Variants in PACRG observed in about 807,000 individuals in gnomAD.
PACRG encodes parkin coregulated.
Under a neutral mutation model 29.7 loss-of-function variants are expected in PACRG, and 29 were observed. The observed-to-expected ratio is 0.98, with a 90% confidence interval of 0.73 to 1.33. The LOEUF is 1.33. Ranked by LOEUF, PACRG falls within the 40% of genes most tolerant of loss-of-function variation. The probability of loss-of-function intolerance (pLI) is 0.00; values close to 1 mark genes in which losing one functional copy is unlikely to be tolerated. For synonymous variants in PACRG, 116 were observed against 118.7 expected (o/e 0.98, Z 0.15); for missense variants, 279 against 316.2 (o/e 0.88, Z 0.89).
chr6:162,770,485 T>C (rs1783133992), intron 1 of PACRG, among the ~76,000 whole-genome samples: 2 of 152,146 alleles, frequency 1.3e-5, no homozygotes, highest in African/African-American at 2.4e-5. Flanking sequence ...GCATATGAGC[T>C]TTGTTCAATT....
At chr6:163,166,339 T>C in intron 4 of PACRG, 3 of 397,014 alleles carry the variant, frequency 7.6e-6, no homozygotes, top group South Asian at 5.6e-5. Flanking sequence ...AATTATTTTG[T>C]TAATTGGTAT....
At chr6:163,090,155 A>G (rs1228204245) in intron 4 of PACRG, 2 of 152,222 alleles carry the variant, frequency 1.3e-5, no homozygotes, top group Non-Finnish European at 2.9e-5. Context: ...CTTTTACAAC[A>G]TGATCTGCTC....
chr6:162,755,458 C>A (rs1781838189), intron 1 of PACRG, among the ~76,000 whole-genome samples: 1 of 151,964 alleles, frequency 6.6e-6, no homozygotes, highest in South Asian at 2.1e-4. Flanking sequence ...TTTTTTGAGA[C>A]AGAGTCTTGC....
At chr6:162,966,723 A>C (rs910757159) in intron 2 of PACRG, among the ~76,000 whole-genome samples, 1 of 148,834 alleles carries the variant, frequency 6.7e-6, no homozygotes, top group East Asian at 2.0e-4. Context: ...TGATCCACCC[A>C]CCTCCCCCTC....
At chr6:163,138,057 G>T (rs997974697) in intron 4 of PACRG, among the ~76,000 whole-genome samples, 1 of 152,220 alleles carries the variant, frequency 6.6e-6, no homozygotes, top group Non-Finnish European at 1.5e-5. Context: ...AAGAAGGAGT[G>T]GGGGAGCCTG....
chr6:162,799,043 A>G (rs557708390), intron 1 of PACRG, among the ~76,000 whole-genome samples: 1 of 152,296 alleles, frequency 6.6e-6, no homozygotes, highest in Non-Finnish European at 1.5e-5. Context: ...GTGAATTGCG[A>G]GTGTCTGGCT....
intron 2 of PACRG, among the ~76,000 whole-genome samples, chr6:162,990,008 G>A (rs1214248650): frequency 2.0e-5 from 3 of 150,184 alleles, no homozygotes; most frequent in Non-Finnish European, 4.5e-5. Context: ...TTGTTCTTGC[G>A]ATAGTTTACT....
At chr6:162,809,567 C>A (rs1455208167) in intron 1 of PACRG, among the ~76,000 whole-genome samples, 3 of 152,104 alleles carry the variant, frequency 2.0e-5, no homozygotes, top group African/African-American at 7.2e-5. Flanking sequence ...TGTGTCTATT[C>A]AGTCAAAAGT....
chr6:163,057,047 T>G (rs1047788235), intron 2 of PACRG, among the ~76,000 whole-genome samples: 1 of 152,164 alleles, frequency 6.6e-6, no homozygotes, highest in African/African-American at 2.4e-5. Context: ...GCGTGAGATA[T>G]ATAACATTAA....
At chr6:162,892,041 T>A (rs1794803102) in intron 2 of PACRG, 1 of 152,460 alleles carries the variant, frequency 6.6e-6, no homozygotes, top group Non-Finnish European at 1.5e-5. Context: ...AGGCCCCCCC[T>A]GCTCCTGGAA....
In PACRG at chr6:162,866,145, C is replaced by A. The variant is rs184508096; in HGVS notation, c.291+51864C>A. Reference sequence around the variant, plus strand: ...CCAAGAAATTAAATGAACCCAAACTCATTTTTACCAGAGCATTCTAATTAA... The same window carrying A: ...CCAAGAAATTAAATGAACCCAAACTAATTTTTACCAGAGCATTCTAATTAA... On this transcript the variant is annotated intron_variant, in intron 2 of 4. Coordinates refer to ENST00000366888, the MANE Select transcript of PACRG (RefSeq NM_001080379.2). Among the ~76,000 whole-genome samples the A allele has an allele frequency of 5.3e-5, 8 of 152,256 alleles. 1 individual carries two copies. Among genetic ancestry groups the A allele is most frequent in the Admixed American group, 5.2e-4 (8 of 15,296 alleles).
At chr6:163,166,075 T>C (rs762534314) in intron 4 of PACRG, 1 of 456,126 alleles carries the variant, frequency 2.2e-6, no homozygotes, top group Non-Finnish European at 4.4e-6. Flanking sequence ...GATGCATTGT[T>C]TGGAGTAACA....
intron 4 of PACRG, among the ~76,000 whole-genome samples, chr6:163,100,129 T>C (rs913002539): frequency 6.6e-6 from 1 of 151,632 alleles, no homozygotes; most frequent in African/African-American, 2.4e-5. Context: ...GACAGCCAGG[T>C]GGAGGCGGCT....
At position 163,269,837 on chromosome 6, in the gene PACRG, AAAAGAAAG is replaced by A. The variant is rs57405125; in HGVS notation, c.614-44976_614-44969del. On this transcript the variant is annotated intron_variant, in intron 4 of 4. Coordinates refer to ENST00000366888, the MANE Select transcript of PACRG (RefSeq NM_001080379.2). ...GGAAGGAAGGAGAAAGAAAGAAAGAAAAAGAAAGAAAGAAAGAAAGAGAAAGAAAGAGA... is the reference window on the plus strand; with the variant it reads ...GGAAGGAAGGAGAAAGAAAGAAAGAAAAAGAAAGAAAGAGAAAGAAAGAGA... Among the ~76,000 whole-genome samples, 2 of 34,816 alleles carry A rather than the reference AAAAGAAAG, an allele frequency of 5.7e-5. 1 individual carries two copies. Among genetic ancestry groups the A allele is most frequent in the African/African-American group, 2.6e-4 (2 of 7,716 alleles). The allele number at this position is 34,816 out of a possible 152,430, so 22.8% of individuals were successfully genotyped here. A position where few individuals can be genotyped will look rare whatever the true frequency, so the allele number is the denominator to read the frequency against.
At chr6:162,813,609 C>T (rs1301495838) in intron 1 of PACRG, among the ~76,000 whole-genome samples, 1 of 152,024 alleles carries the variant, frequency 6.6e-6, no homozygotes, top group Non-Finnish European at 1.5e-5. Context: ...CATAGTAGGC[C>T]ACCTTTTTCT....
intron 4 of PACRG, 71 bp downstream of exon 4, chr6:163,089,479 T>C: frequency 6.5e-7 from 1 of 1,537,094 alleles, no homozygotes; most frequent in Admixed American, 1.8e-5. Context: ...TAGAGTTAAT[T>C]AGCAACACGT....
chr6:162,971,128 T>C (rs1801496600), intron 2 of PACRG, among the ~76,000 whole-genome samples: 1 of 152,304 alleles, frequency 6.6e-6, no homozygotes, highest in South Asian at 2.1e-4. Context: ...GCATTCTGGG[T>C]GAAGGCTTTT....
chr6:162,739,293 C>T (rs4533964), intron 1 of PACRG, among the ~76,000 whole-genome samples: 1 of 151,878 alleles, frequency 6.6e-6, no homozygotes, highest in Non-Finnish European at 1.5e-5. Flanking sequence ...ATGTAGATTT[C>T]TTCCTCTTTA....
chr6:163,041,952 G>A (rs1178581011), intron 2 of PACRG, among the ~76,000 whole-genome samples: 4 of 152,252 alleles, frequency 2.6e-5, no homozygotes, highest in Admixed American at 6.5e-5. Context: ...TGCAACTTCC[G>A]CCTCCCGGGT....
Sources: gnomAD v4.1 joint callset for allele counts (sites outside exome capture counted in the v4.1 genomes callset) on GRCh38, gnomAD v4.1.1 for gene constraint, MANE v1.5 for transcripts, NCBI Gene and HGNC (gene_info 2026-07-23, HGNC 2026-07-21) for gene names.